MMP20: variants seen among roughly 807,000 people sequenced by gnomAD.
MMP20 encodes matrix metalloproteinase-20.
In MMP20, 50 loss-of-function variants were observed where a neutral mutation model predicts 51.8. The observed-to-expected ratio is 0.97, with a 90% confidence interval of 0.77 to 1.22. The LOEUF (loss-of-function observed/expected upper bound fraction) is 1.22, where lower values mean the gene tolerates loss of function less well. MMP20 is among the 50% of genes most tolerant of loss of function. The pLI, the probability that MMP20 is intolerant of heterozygous loss-of-function variation, is 0.00. For missense variants in MMP20, 663 were observed against 601.4 expected (o/e 1.10, Z -1.07); for synonymous variants, 244 against 216.2 (o/e 1.13, Z -1.13).
At chr11:102,598,315 G>A (rs1209378495) in intron 6 of MMP20, among the ~76,000 whole-genome samples, 1 of 152,142 alleles carries the variant, frequency 6.6e-6, no homozygotes, top group Non-Finnish European at 1.5e-5. Context: ...AAGAACAGCT[G>A]CAGGATGTAT....
intron 6 of MMP20, among the ~76,000 whole-genome samples, chr11:102,602,112 GCTAATTTTTTTTTT>G (rs1859454536): frequency 1.1e-5 from 1 of 86,976 alleles, no homozygotes. Context: ...ACCACGCCCG[GCTAATTTTTTTTTT>G]TTTTTTTTTT....
At chr11:102,604,714 C>G (rs1248586068) in intron 6 of MMP20, among the ~76,000 whole-genome samples, 1 of 152,006 alleles carries the variant, frequency 6.6e-6, no homozygotes, top group African/African-American at 2.4e-5. Flanking sequence ...TAGAAATAAT[C>G]CAGTATGGGA....
At chr11:102,614,814 AC>A (rs1859647146) in intron 2 of MMP20, among the ~76,000 whole-genome samples, 2 of 140,958 alleles carry the variant, frequency 1.4e-5, no homozygotes, top group Admixed American at 7.1e-5. Context: ...AAAAAAAAAA[AC>A]CCACTTGATT....
At chr11:102,619,654 T>A (rs1859722405) in intron 1 of MMP20, among the ~76,000 whole-genome samples, 1 of 152,222 alleles carries the variant, frequency 6.6e-6, no homozygotes, top group African/African-American at 2.4e-5. Flanking sequence ...TTTGGTTGTC[T>A]CACACTAATC....
At chr11:102,604,199 C>T (rs1392938257) in intron 6 of MMP20, among the ~76,000 whole-genome samples, 1 of 152,100 alleles carries the variant, frequency 6.6e-6, no homozygotes, top group Non-Finnish European at 1.5e-5. Context: ...GTGCTACATG[C>T]TATTTCAGTG....
chr11:102,577,291 C>A lies in MMP20; in HGVS notation c.*35G>T. The A allele has an allele frequency of 2.1e-6, 3 of 1,434,758 alleles. No homozygotes were observed. In the South Asian group the frequency reaches 3.4e-5, roughly 16 times the overall value. 88.9% of individuals were successfully genotyped at this position (1,434,758 alleles called of 1,614,324 possible). ...GATCCAGTTAGAGGCTGCTTGTAGTCATCCTCATTGCTTGAGAAGACTAGG... is the reference window on the plus strand; with the variant it reads ...GATCCAGTTAGAGGCTGCTTGTAGTAATCCTCATTGCTTGAGAAGACTAGG... On this transcript the variant is annotated 3_prime_UTR_variant, in exon 10 of 10. Transcript: ENST00000260228.
intron 1 of MMP20, among the ~76,000 whole-genome samples, chr11:102,618,637 T>C (rs1160140515): frequency 6.6e-6 from 1 of 152,092 alleles, no homozygotes; most frequent in Non-Finnish European, 1.5e-5. Flanking sequence ...CTTTATAAGG[T>C]TATAATAATA....
chr11:102,597,255 G>C (rs1859392346), intron 6 of MMP20, among the ~76,000 whole-genome samples: 1 of 152,124 alleles, frequency 6.6e-6, no homozygotes, highest in Non-Finnish European at 1.5e-5. Context: ...GCAACTCTAG[G>C]CAAAGCTAAG....
intron 2 of MMP20, among the ~76,000 whole-genome samples, chr11:102,614,225 C>T (rs1859638721): frequency 6.6e-6 from 1 of 152,158 alleles, no homozygotes; most frequent in African/African-American, 2.4e-5. Context: ...CATATAAGCA[C>T]TATGCTGTAT....
intron 2 of MMP20, among the ~76,000 whole-genome samples, chr11:102,615,045 T>C (rs1429859698): frequency 6.8e-6 from 1 of 147,986 alleles, no homozygotes; most frequent in Admixed American, 6.8e-5. Flanking sequence ...TTTAATATAA[T>C]TTATTATATT....
At chr11:102,595,069 G>C (rs928816000) in intron 6 of MMP20, among the ~76,000 whole-genome samples, 1 of 151,920 alleles carries the variant, frequency 6.6e-6, no homozygotes, top group Non-Finnish European at 1.5e-5. Context: ...CTACAGCTGT[G>C]TGCCACCATG....
At chr11:102,586,423 G>C (rs1008864207) in intron 8 of MMP20, among the ~76,000 whole-genome samples, 2 of 151,770 alleles carry the variant, frequency 1.3e-5, no homozygotes, top group Non-Finnish European at 1.5e-5. Flanking sequence ...CTAATTTATT[G>C]GTATACAATT....
rs1206646083 is a variant in MMP20 at position 102,616,812 on chromosome 11, C to T, written c.374G>A (p.Arg125Lys). 2 of 1,614,104 alleles carry T rather than the reference C, an allele frequency of 1.2e-6. No homozygotes were observed. ...ATTTGGAAAGACTTGATCTCATTAC[C>T]TGTATGTCAAAGTATTTTTTTTCCA... ...PKWKKNTLTY[R>K]ISKYTPSMSS... Residue 125 changes from arginine (R) to lysine (K), a missense_variant and splice_region_variant, in exon 2 of 10, where the codon AGA becomes AAA. Physicochemically the swap from Arg to Lys is conservative, Grantham distance 26 (BLOSUM62 2). Coordinates refer to ENST00000260228, the MANE Select transcript of MMP20 (RefSeq NM_004771.4).
chr11:102,612,734 C>T (rs1196911130), intron 2 of MMP20, among the ~76,000 whole-genome samples: 28 of 110,478 alleles, frequency 2.5e-4, no homozygotes, highest in African/African-American at 3.2e-4. Context: ...TTTTTCTTTT[C>T]TTTCTTTTTT....
intron 6 of MMP20, among the ~76,000 whole-genome samples, chr11:102,600,619 G>C (rs1859433990): frequency 6.6e-6 from 1 of 152,140 alleles, no homozygotes; most frequent in African/African-American, 2.4e-5. Context: ...GAGAAGCTGG[G>C]ATTACAAGGC....
chr11:102,606,487 G>T (rs1859517810), intron 6 of MMP20, 48 bp downstream of exon 6: 1 of 1,612,172 alleles, frequency 6.2e-7, no homozygotes, highest in Non-Finnish European at 8.5e-7. Flanking sequence ...GTTTGTCTGG[G>T]AGTGGAGATG....
intron 2 of MMP20, among the ~76,000 whole-genome samples, chr11:102,613,875 G>A (rs1859633874): frequency 6.6e-6 from 1 of 152,212 alleles, no homozygotes; most frequent in Admixed American, 6.5e-5. Context: ...GGTGGACTTA[G>A]TACTTTGACA....
At chr11:102,608,751 C>T (rs1229641575) in intron 5 of MMP20, among the ~76,000 whole-genome samples, 186 bp downstream of exon 5, 1 of 152,184 alleles carries the variant, frequency 6.6e-6, no homozygotes, top group African/African-American at 2.4e-5. Context: ...AGGAAAGATG[C>T]AAAATTTAAT....
intron 5 of MMP20, chr11:102,607,269 T>A (rs1029478080): frequency 1.2e-5 from 2 of 162,998 alleles, no homozygotes; most frequent in African/African-American, 2.4e-5. Flanking sequence ...TATTTAAAGG[T>A]ATCTTCTGGT....
Sources: allele counts gnomAD v4.1 joint callset (sites outside exome capture counted in the v4.1 genomes callset), GRCh38; gene constraint gnomAD v4.1.1; transcripts MANE v1.5; gene names NCBI Gene and HGNC (gene_info 2026-07-23, HGNC 2026-07-21).